EIF4G3: variants seen among roughly 807,000 people sequenced by gnomAD.
EIF4G3 encodes eIF-4-gamma 3.
In EIF4G3, 34 loss-of-function variants were observed where a neutral mutation model predicts 186.4. The observed-to-expected ratio is 0.18, with a 90% CI of 0.14 to 0.24. The LOEUF (loss-of-function observed/expected upper bound fraction) is 0.24, where lower values mean the gene tolerates loss of function less well. Ranked by LOEUF, EIF4G3 falls within the 10% of genes least tolerant of loss-of-function variation. EIF4G3 has a pLI of 1.00. For missense variants in EIF4G3, 1,536 were observed against 1,948.5 expected (o/e 0.79, Z 3.99); for synonymous variants, 673 against 679.5 (o/e 0.99, Z 0.15).
intron 10 of EIF4G3, among the ~76,000 whole-genome samples, chr1:20,976,166 ATTTT>A (rs2076821621): frequency 6.7e-6 from 1 of 148,230 alleles, no homozygotes; most frequent in South Asian, 2.3e-4. Flanking sequence ...TTGTATTTTT[ATTTT>A]ATTTATTTAT....
chr1:20,814,738 TA>T (rs1423547106), intron 34 of EIF4G3, among the ~76,000 whole-genome samples: 5 of 141,216 alleles, frequency 3.5e-5, no homozygotes, highest in Non-Finnish European at 6.2e-5. Flanking sequence ...TAATTAAGGT[TA>T]AAAATTCATC....
At chr1:21,007,945 T>A (rs1319742844) in intron 4 of EIF4G3, among the ~76,000 whole-genome samples, 3 of 152,204 alleles carry the variant, frequency 2.0e-5, no homozygotes, top group African/African-American at 7.2e-5. Flanking sequence ...ATAATAAAAA[T>A]TTAATAAAGA....
chr1:20,913,371 C>A (rs919047857), intron 14 of EIF4G3, among the ~76,000 whole-genome samples: 1 of 151,954 alleles, frequency 6.6e-6, no homozygotes, highest in Non-Finnish European at 1.5e-5. Context: ...ACCATCTCTA[C>A]AAAAAAAATT....
At chr1:20,907,236 G>A (rs570637917) in intron 14 of EIF4G3, among the ~76,000 whole-genome samples, 8 of 152,194 alleles carry the variant, frequency 5.3e-5, no homozygotes, top group East Asian at 1.9e-4. Context: ...CAGGACAAGC[G>A]ACAGTCTCTG....
chr1:21,157,326 C>T (rs2097680048), intron 2 of EIF4G3, among the ~76,000 whole-genome samples: 1 of 151,944 alleles, frequency 6.6e-6, no homozygotes, highest in African/African-American at 2.4e-5. Flanking sequence ...GTTCTGATCT[C>T]GTACCTCCAT....
Position 21,020,044 on chromosome 1 carries a change from T to A in EIF4G3, c.-66-17236A>T, listed in dbSNP as rs150665350. Among the ~76,000 whole-genome samples the A allele has an allele frequency of 5.9e-5, 9 of 152,300 alleles. No homozygotes were observed. In the East Asian group the frequency reaches 1.7e-3, roughly 29 times the overall value. ...ATTGCAACTGCCAATCTGAAAGGAA[T>A]TGAGGAACCACTTTTTCCTTCTTCA... On this transcript the variant is annotated intron_variant, in intron 4 of 36. Transcript: ENST00000602326.
At chr1:21,091,255 G>A (rs755419163) in intron 2 of EIF4G3, among the ~76,000 whole-genome samples, 43 of 151,932 alleles carry the variant, frequency 2.8e-4, no homozygotes, top group Admixed American at 1.4e-3. Flanking sequence ...AGCAATTCTC[G>A]TGACTCAGCC....
intron 13 of EIF4G3, among the ~76,000 whole-genome samples, chr1:20,946,805 T>C (rs2095970707): frequency 6.6e-6 from 1 of 151,990 alleles, no homozygotes. Flanking sequence ...TTCTTCCAAC[T>C]TTTTGGAGGA....
chr1:20,904,511 A>C (rs111923738), intron 15 of EIF4G3, among the ~76,000 whole-genome samples: 1,541 of 152,208 alleles, frequency 0.01, 32 homozygotes, highest in African/African-American at 0.036. Context: ...ATGTGTGGCT[A>C]GTATTTTAAA....
chr1:21,136,093 G>A (rs1257273131), intron 2 of EIF4G3, among the ~76,000 whole-genome samples: 1 of 152,154 alleles, frequency 6.6e-6, no homozygotes, highest in Non-Finnish European at 1.5e-5. Flanking sequence ...TGAGACAGGA[G>A]AATGGCGTGA....
At chr1:21,000,706 T>C (rs938067934) in intron 6 of EIF4G3, among the ~76,000 whole-genome samples, 8 of 152,122 alleles carry the variant, frequency 5.3e-5, no homozygotes, top group African/African-American at 1.9e-4. Context: ...GCACTTGTTT[T>C]AGGGTATGTA....
chr1:21,018,445 A>G (rs1025754147), intron 4 of EIF4G3, among the ~76,000 whole-genome samples: 3 of 152,132 alleles, frequency 2.0e-5, no homozygotes, highest in Admixed American at 2.0e-4. Context: ...CTGTAATCCC[A>G]GCTACTCGGG....
At chr1:21,020,322 T>C (rs2090373746) in intron 4 of EIF4G3, among the ~76,000 whole-genome samples, 2 of 151,950 alleles carry the variant, frequency 1.3e-5, no homozygotes, top group African/African-American at 2.4e-5. Context: ...ACTCCGTCTC[T>C]ACAAAAAAAA....
intron 14 of EIF4G3, among the ~76,000 whole-genome samples, chr1:20,911,340 G>A (rs1291118953): frequency 6.6e-6 from 1 of 151,888 alleles, no homozygotes; most frequent in Admixed American, 6.6e-5. Context: ...GGCTGAGGAG[G>A]GAAGACTGCT....
At chr1:20,956,372 C>A (rs1181197503) in intron 12 of EIF4G3, among the ~76,000 whole-genome samples, 3 of 152,066 alleles carry the variant, frequency 2.0e-5, no homozygotes, top group African/African-American at 7.2e-5. Flanking sequence ...AGATCACTCA[C>A]TTGGGCTGTT....
chr1:20,886,806 T>A (rs1054285295), intron 18 of EIF4G3, among the ~76,000 whole-genome samples: 3 of 152,170 alleles, frequency 2.0e-5, no homozygotes, highest in Non-Finnish European at 4.4e-5. Flanking sequence ...TAAGCCTTAC[T>A]GTAGATCATA....
At chr1:21,129,894 G>A (rs2097122669) in intron 2 of EIF4G3, among the ~76,000 whole-genome samples, 2 of 152,058 alleles carry the variant, frequency 1.3e-5, no homozygotes, top group Non-Finnish European at 2.9e-5. Context: ...AAGAGGGGAG[G>A]TAACACTGAC....
rs758503515 is a variant in EIF4G3 at position 21,176,228 on chromosome 1, CGCT to C, written c.-328_-326del. 1.5e-5 allele frequency: 6 copies of C among 397,358 alleles called. No homozygotes were observed. The highest frequency in any genetic ancestry group is 1.3e-4 in the South Asian group (2 of 15,220). The allele number at this position is 397,358 out of a possible 1,614,324, so 24.6% of individuals were successfully genotyped here. ...TGATGTTCGGGTGAGGAGGGGGGAC[CGCT>C]GCCGCCGCCGCCGCCGCCGCCGCCG... On this transcript the variant is annotated 5_prime_UTR_variant, in exon 2 of 37. Coordinates refer to ENST00000602326, the MANE Select transcript of EIF4G3 (RefSeq NM_001391906.1).
At chr1:20,980,138 C>G (rs1347488862) in intron 10 of EIF4G3, among the ~76,000 whole-genome samples, 196 bp downstream of exon 10, 1 of 151,794 alleles carries the variant, frequency 6.6e-6, no homozygotes, top group East Asian at 1.9e-4. Context: ...GAGTTTAAGA[C>G]CAGCCTGACT....
Sources: allele counts gnomAD v4.1 joint callset (sites outside exome capture counted in the v4.1 genomes callset), GRCh38; gene constraint gnomAD v4.1.1; transcripts MANE v1.5; gene names NCBI Gene and HGNC (gene_info 2026-07-23, HGNC 2026-07-21).